GRM5: variants seen among roughly 807,000 people sequenced by gnomAD.
The protein encoded by GRM5 is glutamate metabotropic receptor 5, also known as metabotropic glutamate receptor 5.
A neutral mutation model predicts 83.1 loss-of-function variants in GRM5; 19 were observed. The ratio of observed to expected loss-of-function variants is 0.23; its 90% CI spans 0.16 to 0.34. The LOEUF (loss-of-function observed/expected upper bound fraction) is 0.34. Ranked by LOEUF, GRM5 falls within the 10% of genes least tolerant of loss-of-function variation. The pLI, the probability that GRM5 is intolerant of heterozygous loss-of-function variation, is 1.00. For synonymous variants in GRM5, 675 were observed against 633.6 expected, an observed-to-expected ratio of 1.07 and a Z score of -0.98; for missense variants, 1,160 against 1,588.3, an observed-to-expected ratio of 0.73 and a Z score of 4.58.
chr11:89,046,473 T>C lies in GRM5; in HGVS notation c.661+739A>G, dbSNP rs112549765. On this transcript the variant is annotated intron_variant, in intron 2 of 9. Transcript: ENST00000305447. ...ACAAATTTTTTCCAAACAGCCATGG[T>C]CAAGAACTAATGATTTTTAAAACAC... Among the ~76,000 whole-genome samples, 1,015 of 152,200 alleles carry C rather than the reference T, an allele frequency of 6.7e-3. 8 individuals are homozygous for C. Among genetic ancestry groups the C allele is most frequent in the African/African-American group, 0.024 (983 of 41,524 alleles).
At chr11:88,720,865 C>T (rs1941521361) in intron 3 of GRM5, among the ~76,000 whole-genome samples, 1 of 142,954 alleles carries the variant, frequency 7.0e-6, no homozygotes, top group African/African-American at 2.6e-5. Context: ...ATTTATACTG[C>T]TTGGCACAAA....
At position 88,703,155 on chromosome 11, in the gene GRM5, A is replaced by C. The variant is rs1373305065; in HGVS notation, c.912-49752T>G. ...CTCTAAAGCATTGGTAGATGTCTGT[A>C]ACCTGGAGAAAGCGCTGGGTCCTCT... On this transcript the variant is annotated intron_variant, in intron 3 of 9. Transcript: ENST00000305447. 2.6e-5 allele frequency among the ~76,000 whole-genome samples: 4 copies of C among 152,078 alleles called. 1 individual carries two copies. Among genetic ancestry groups the C allele is most frequent in the Non-Finnish European group, 5.9e-5 (4 of 67,992 alleles).
At chr11:88,763,608 C>T (rs147305317) in intron 3 of GRM5, among the ~76,000 whole-genome samples, 472 of 151,710 alleles carry the variant, frequency 3.1e-3, no homozygotes, top group African/African-American at 1.0e-2. Context: ...AGCTCAAAGG[C>T]GTGAGGACAG....
intron 2 of GRM5, among the ~76,000 whole-genome samples, chr11:88,939,050 G>A (rs1937998243): frequency 1.3e-5 from 2 of 151,500 alleles, no homozygotes; most frequent in South Asian, 4.2e-4. Context: ...TTTATCTTCT[G>A]CAATAATTTT....
At chr11:89,016,887 T>A (rs1181610140) in intron 2 of GRM5, among the ~76,000 whole-genome samples, 1 of 152,138 alleles carries the variant, frequency 6.6e-6, no homozygotes, top group African/African-American at 2.4e-5. Flanking sequence ...ATAATAGCCA[T>A]CTGCAGACAA....
At chr11:88,841,236 TC>T (rs755190095) in intron 3 of GRM5, among the ~76,000 whole-genome samples, 1 of 152,170 alleles carries the variant, frequency 6.6e-6, no homozygotes, top group Non-Finnish European at 1.5e-5. Context: ...ATATTCCTTC[TC>T]CTCAGTGGTT....
At chr11:89,059,288 T>A (rs1290436228) in intron 1 of GRM5, among the ~76,000 whole-genome samples, 1 of 152,194 alleles carries the variant, frequency 6.6e-6, no homozygotes, top group Non-Finnish European at 1.5e-5. Flanking sequence ...TCTTCTACAG[T>A]CTGACTAAAA....
intron 4 of GRM5, among the ~76,000 whole-genome samples, chr11:88,619,269 G>T (rs951967534): frequency 4.6e-5 from 7 of 152,196 alleles, no homozygotes; most frequent in African/African-American, 1.4e-4. Context: ...ATTTCAGAGA[G>T]CATCTACTTT....
chr11:88,930,999 A>T (rs1006814009), intron 2 of GRM5, among the ~76,000 whole-genome samples: 1 of 152,186 alleles, frequency 6.6e-6, no homozygotes, highest in Non-Finnish European at 1.5e-5. Context: ...CTAGAGGTGG[A>T]AAGTATACAA....
chr11:88,945,050 C>T (rs1938233048), intron 2 of GRM5, among the ~76,000 whole-genome samples: 1 of 151,754 alleles, frequency 6.6e-6, no homozygotes, highest in Middle Eastern at 3.2e-3. Context: ...AAATCAGGAA[C>T]ATTTTTACAC....
At chr11:88,884,284 T>A (rs1482488468) in intron 2 of GRM5, among the ~76,000 whole-genome samples, 1 of 152,200 alleles carries the variant, frequency 6.6e-6, no homozygotes, top group Non-Finnish European at 1.5e-5. Flanking sequence ...ATTTTCGAAC[T>A]TTAATGACTG....
At chr11:88,867,143 G>A (rs1436460516) in intron 2 of GRM5, among the ~76,000 whole-genome samples, 1 of 151,766 alleles carries the variant, frequency 6.6e-6, no homozygotes, top group East Asian at 1.9e-4. Flanking sequence ...GTGGCGTGAT[G>A]CCTCCAGCGT....
chr11:88,643,135 GA>G (rs776112948), intron 4 of GRM5, among the ~76,000 whole-genome samples: 2 of 152,124 alleles, frequency 1.3e-5, no homozygotes, highest in Non-Finnish European at 2.9e-5. Flanking sequence ...GGCTGTGCAG[GA>G]AGCATAGCGC....
At chr11:88,735,691 C>T (rs913497734) in intron 3 of GRM5, among the ~76,000 whole-genome samples, 1 of 152,050 alleles carries the variant, frequency 6.6e-6, no homozygotes, top group African/African-American at 2.4e-5. Context: ...TTCTGTCTTC[C>T]CATTAATTTA....
chr11:88,729,083 G>T (rs1941746273), intron 3 of GRM5, among the ~76,000 whole-genome samples: 1 of 152,156 alleles, frequency 6.6e-6, no homozygotes, highest in Admixed American at 6.5e-5. Flanking sequence ...AAGTAAAATT[G>T]TCTCTGTTTG....
At chr11:88,565,267 C>T (rs1942851364) in intron 8 of GRM5, among the ~76,000 whole-genome samples, 1 of 152,196 alleles carries the variant, frequency 6.6e-6, no homozygotes, top group South Asian at 2.1e-4. Flanking sequence ...CTACTATGTG[C>T]CAGCCATTAC....
intron 8 of GRM5, among the ~76,000 whole-genome samples, chr11:88,543,638 T>C (rs1047521939): frequency 2.0e-5 from 3 of 149,336 alleles, no homozygotes; most frequent in Admixed American, 6.6e-5. Flanking sequence ...TTATCCTTTT[T>C]TTTTTTTTTT....
intron 3 of GRM5, among the ~76,000 whole-genome samples, chr11:88,794,190 T>G (rs1025884526): frequency 2.0e-5 from 3 of 152,176 alleles, no homozygotes; most frequent in Non-Finnish European, 4.4e-5. Flanking sequence ...TCCCCACTAT[T>G]CTGCTTCAGG....
intron 3 of GRM5, among the ~76,000 whole-genome samples, chr11:88,683,090 A>G (rs1470606963): frequency 2.6e-5 from 4 of 152,194 alleles, no homozygotes; most frequent in African/African-American, 9.6e-5. Context: ...TTATGTTATT[A>G]ATAAAATTTC....
Sources: allele counts gnomAD v4.1 joint callset (sites outside exome capture counted in the v4.1 genomes callset), GRCh38; gene constraint gnomAD v4.1.1; transcripts MANE v1.5; gene names NCBI Gene and HGNC (gene_info 2026-07-23, HGNC 2026-07-21).